The following ATAD3B variants were observed in gnomAD, a reference collection of about 807,000 sequenced individuals.
ATAD3B encodes ATPase family AAA domain containing 3B.
A neutral mutation model predicts 70.2 loss-of-function variants in ATAD3B; 59 were observed. The observed-to-expected ratio is 0.84, with a 90% CI of 0.68 to 1.04. The LOEUF is 1.04. ATAD3B is among the 50% of genes least tolerant of loss of function. The pLI, the probability that ATAD3B is intolerant of heterozygous loss-of-function variation, is 0.00. For synonymous variants in ATAD3B, 423 were observed against 388.6 expected (o/e 1.09, Z -1.04); for missense variants, 961 against 913.4 (o/e 1.05, Z -0.67).
At chr1:1,493,847 C>A (rs1368224012) in intron 15 of ATAD3B, among the ~76,000 whole-genome samples, 1 of 151,750 alleles carries the variant, frequency 6.6e-6, no homozygotes, top group East Asian at 1.9e-4. Flanking sequence ...GAGGACTTTC[C>A]CAGTGAGGCT....
At chr1:1,507,575 A>T in the ATAD3B span, among the ~76,000 whole-genome samples, 2 of 152,178 alleles carry the variant, frequency 1.3e-5, no homozygotes, top group African/African-American at 4.8e-5. Context: ...TTTTTATTAT[A>T]CTGCTGAATT....
At chr1:1,486,458 G>A in intron 10 of ATAD3B, 86 bp from the exon 11 acceptor site, 9 of 1,609,938 alleles carry the variant, frequency 5.6e-6, no homozygotes, top group Middle Eastern at 3.3e-4. Context: ...ACACCCGGCA[G>A]GGGCTCCACA....
At chr1:1,501,416 A>G (rs868424623), downstream of ATAD3B, among the ~76,000 whole-genome samples, 11 of 152,142 alleles carry the variant, frequency 7.2e-5, no homozygotes, top group African/African-American at 9.6e-5. Context: ...CACCACGCCC[A>G]GCTAATTTTT....
Position 1,471,769 on chromosome 1 carries a change from C to T in ATAD3B, c.-116C>T, listed in dbSNP as rs1204668099. ...CGCCGGGAGGAAGGGGTGTGTGTTT[C>T]GCCTGCGCAGTGGTCCTGGCCACCG... On this transcript the variant is annotated 5_prime_UTR_variant, in exon 1 of 16. Coordinates refer to ENST00000673477, the MANE Select transcript of ATAD3B (RefSeq NM_031921.6). 31 of 1,202,160 alleles carry T rather than the reference C, an allele frequency of 2.6e-5. No homozygotes were observed. The highest frequency in any genetic ancestry group is 3.1e-5 in the Non-Finnish European group (30 of 964,528). The allele number at this position is 1,202,160 out of a possible 1,614,324, so 74.5% of individuals were successfully genotyped here.
rs1291918298 is a variant in ATAD3B, at chr1:1,480,780, G to T, written c.445-87G>T. 5 of 1,578,070 alleles carry T rather than the reference G, an allele frequency of 3.2e-6. No homozygotes were observed. The East Asian group carries it at 1.2e-4, about 37-fold the overall frequency. ...TGCCCAGGACGCTTGGAGTTCTGTG[G>T]TCCTGGGGCGGACGCAACCTCTGGA... On this transcript the variant is annotated intron_variant, in intron 4 of 15. Transcript: ENST00000673477.
chr1:1,500,129 C>T (rs1440074691), downstream of ATAD3B, among the ~76,000 whole-genome samples: 1 of 145,934 alleles, frequency 6.9e-6, no homozygotes, highest in Non-Finnish European at 1.5e-5. Context: ...AACTCCTGAG[C>T]TCAGGCGATC....
chr1:1,500,493 A>G (rs1268480786), downstream of ATAD3B, among the ~76,000 whole-genome samples: 5 of 144,058 alleles, frequency 3.5e-5, no homozygotes, highest in African/African-American at 1.3e-4. Context: ...CGGAGCTTGC[A>G]GTGAGTCGAG....
chr1:1,488,428 C>T (rs1187994544), intron 12 of ATAD3B, among the ~76,000 whole-genome samples: 1 of 152,014 alleles, frequency 6.6e-6, no homozygotes, highest in Non-Finnish European at 1.5e-5. Context: ...GAGTTTCCCA[C>T]ATTGTCCAGG....
chr1:1,491,257 C>T lies in ATAD3B; in HGVS notation c.1614+586C>T, dbSNP rs143276815. On this transcript the variant is annotated intron_variant, in intron 15 of 15. Coordinates refer to ENST00000673477, the MANE Select transcript of ATAD3B (RefSeq NM_031921.6). ...GCCATCCAGAGAGCTCTGATCAGGCCGGGCGCGGTGGCTCACGCCTGCAAT... is the reference window on the plus strand; with the variant it reads ...GCCATCCAGAGAGCTCTGATCAGGCTGGGCGCGGTGGCTCACGCCTGCAAT... Among the ~76,000 whole-genome samples, 133 of 152,132 alleles carry T rather than the reference C, an allele frequency of 8.7e-4. 1 individual carries two copies. The highest frequency in any genetic ancestry group is 2.4e-3 in the African/African-American group (101 of 41,532).
At chr1:1,504,438 T>C in the ATAD3B span, among the ~76,000 whole-genome samples, 1 of 151,484 alleles carries the variant, frequency 6.6e-6, no homozygotes, top group Non-Finnish European at 1.5e-5. Context: ...TCATCTGAGG[T>C]TGGGAGTTCG....
intron 9 of ATAD3B, 62 bp from the exon 10 acceptor site, chr1:1,486,048 C>T: frequency 1.2e-6 from 2 of 1,610,430 alleles, no homozygotes; most frequent in South Asian, 1.1e-5. Context: ...TCCCGCAGCC[C>T]CTGTCACCGA....
Position 1,490,349 on chromosome 1 carries a change from A to T in ATAD3B, c.1430A>T (p.Gln477Leu), listed in dbSNP as rs767603289. 6.2e-7 allele frequency: 1 copy of T among 1,613,336 alleles called. No individual in the cohort carries two copies. The highest frequency in any genetic ancestry group is 1.3e-5 in the African/African-American group (1 of 74,938). ...GTGATGGTCCACTTCGACCTGCCGC[A>T]GCAGGAGGAGCGGGAGCGCCTGGTG... is the stretch of plus-strand genomic sequence containing the variant. ...IDVMVHFDLP[Q>L]QEERERLVRL... The change falls in exon 14 of 16, where the codon CAG (glutamine) becomes CTG (leucine). Residue 477 changes from glutamine to leucine, a missense_variant. This residue lies in a region of ATAD3B where 417 missense variants were observed against 335.0 expected (regional missense o/e 1.24). Coordinates refer to ENST00000673477, the MANE Select transcript of ATAD3B (RefSeq NM_031921.6).
intron 2 of ATAD3B, chr1:1,478,244 A>C: frequency 1.8e-6 from 1 of 558,948 alleles, no homozygotes. Flanking sequence ...TGATCCAGCC[A>C]CTTTGGCCTC....
chr1:1,483,628 C>A (rs1045498776), intron 7 of ATAD3B: 1 of 157,484 alleles, frequency 6.3e-6, no homozygotes, highest in Non-Finnish European at 1.4e-5. Flanking sequence ...AAAAATTGGC[C>A]GGGCCTCGTG....
chr1:1,496,349 C>T lies in ATAD3B; in HGVS notation c.*532C>T, dbSNP rs977430229. 5 of 713,902 alleles carry T rather than the reference C, an allele frequency of 7.0e-6. No individual in the cohort carries two copies. The highest frequency in any genetic ancestry group is 1.3e-4 in the East Asian group (1 of 7,612). The allele number at this position is 713,902 out of a possible 1,614,324, so 44.2% of individuals were successfully genotyped here. Reference sequence around the variant, plus strand: ...AGAGCGGTGTGCTTCACATCAGCCTCGCGCCACATCCGAGTTGGGGTCTGA... The same window carrying T: ...AGAGCGGTGTGCTTCACATCAGCCTTGCGCCACATCCGAGTTGGGGTCTGA... On this transcript the variant is annotated 3_prime_UTR_variant, in exon 16 of 16. Transcript: ENST00000673477.
intron 12 of ATAD3B, among the ~76,000 whole-genome samples, chr1:1,488,164 T>A (rs1165226908): frequency 6.6e-6 from 1 of 151,952 alleles, no homozygotes; most frequent in Non-Finnish European, 1.5e-5. Flanking sequence ...ACCATGTTGG[T>A]CAAGTTGGTC....
the ATAD3B span, among the ~76,000 whole-genome samples, chr1:1,507,870 G>C: frequency 2.6e-5 from 4 of 152,362 alleles, no homozygotes; most frequent in South Asian, 6.2e-4. Flanking sequence ...GTAGCACAGA[G>C]AGCTCCCGGG....
At chr1:1,481,118 C>T (rs528392159) in intron 5 of ATAD3B, among the ~76,000 whole-genome samples, 182 bp downstream of exon 5, 3 of 139,476 alleles carry the variant, frequency 2.2e-5, no homozygotes, top group African/African-American at 5.8e-5. Context: ...TGCGAGTGGA[C>T]GCCAGGATCT....
At chr1:1,481,936 G>A (rs934681766) in intron 5 of ATAD3B, among the ~76,000 whole-genome samples, 7 of 139,520 alleles carry the variant, frequency 5.0e-5, no homozygotes, top group Admixed American at 2.7e-4. Flanking sequence ...GGGCCTGTCT[G>A]TGGCGTGGGC....
Sources: gnomAD v4.1 joint callset for allele counts (sites outside exome capture counted in the v4.1 genomes callset) on GRCh38, gnomAD v4.1.1 for gene constraint, gnomAD v4.1.1 regional missense constraint, MANE v1.5 for transcripts, NCBI Gene and HGNC (gene_info 2026-07-23, HGNC 2026-07-21) for gene names.